Variants in ZRANB3 observed in about 807,000 individuals in gnomAD.
The protein encoded by ZRANB3 is zinc finger RANBP2-type containing 3.
A neutral mutation model predicts 133.8 loss-of-function variants in ZRANB3; 125 were observed. That is an observed-to-expected ratio of 0.93 (90% CI 0.81 to 1.08). The LOEUF (loss-of-function observed/expected upper bound fraction) is 1.08. Among genes scored for constraint, ZRANB3 ranks in the 50% least tolerant of loss-of-function variants. The probability of loss-of-function intolerance (pLI) is 0.00; values close to 1 mark genes in which losing one functional copy is unlikely to be tolerated. For missense variants in ZRANB3, 1,229 were observed against 1,275.5 expected (o/e 0.96, Z 0.56); for synonymous variants, 387 against 432.7 (o/e 0.89, Z 1.31).
intron 4 of ZRANB3, among the ~76,000 whole-genome samples, chr2:135,352,978 T>C (rs1685275991): frequency 6.6e-6 from 1 of 152,054 alleles, no homozygotes; most frequent in Non-Finnish European, 1.5e-5. Context: ...ATTTTCAAGA[T>C]ATAAAATATT....
chr2:135,358,717 A>G (rs1430541496), intron 3 of ZRANB3, among the ~76,000 whole-genome samples: 2 of 152,200 alleles, frequency 1.3e-5, no homozygotes, highest in African/African-American at 4.8e-5. Flanking sequence ...TGCAAAGCTG[A>G]TGTGCTGAAT....
intron 8 of ZRANB3, among the ~76,000 whole-genome samples, chr2:135,306,554 A>G (rs1682712726): frequency 6.7e-6 from 1 of 148,412 alleles, no homozygotes; most frequent in Admixed American, 6.8e-5. Context: ...GGCCTCCCAA[A>G]GTGCTGGGAT....
chr2:135,263,537 G>C (rs1009429036), intron 12 of ZRANB3, among the ~76,000 whole-genome samples: 1 of 152,064 alleles, frequency 6.6e-6, no homozygotes, highest in South Asian at 2.1e-4. Context: ...CACAGTAAAG[G>C]GAGTAAGTGC....
intron 12 of ZRANB3, among the ~76,000 whole-genome samples, chr2:135,236,079 C>A (rs1695269934): frequency 6.6e-6 from 1 of 152,228 alleles, no homozygotes; most frequent in Non-Finnish European, 1.5e-5. Flanking sequence ...CGATAGGCAA[C>A]TTCAGCAAAG....
At chr2:135,527,423 ATGGTGCATGC>A (rs1694208397) in intron 1 of ZRANB3, among the ~76,000 whole-genome samples, 1 of 152,026 alleles carries the variant, frequency 6.6e-6, no homozygotes, top group African/African-American at 2.4e-5. Flanking sequence ...GCCAGGCATG[ATGGTGCATGC>A]CTATAATCCC....
chr2:135,524,981 C>G (rs1694092503), intron 1 of ZRANB3, among the ~76,000 whole-genome samples: 1 of 151,792 alleles, frequency 6.6e-6, no homozygotes, highest in African/African-American at 2.4e-5. Flanking sequence ...GTGGGGAAAG[C>G]ATTTCTAAGC....
intron 2 of ZRANB3, among the ~76,000 whole-genome samples, chr2:135,483,038 T>C (rs540197062): frequency 0.011 from 1,674 of 152,262 alleles, 16 homozygotes; most frequent in Middle Eastern, 0.044. Flanking sequence ...ATTGAGGATT[T>C]TTGCATCAAT....
At chr2:135,290,674 C>A (rs1346707070) in intron 8 of ZRANB3, among the ~76,000 whole-genome samples, 1 of 151,242 alleles carries the variant, frequency 6.6e-6, no homozygotes, top group Non-Finnish European at 1.5e-5. Flanking sequence ...TCCCCCCCTC[C>A]ACCCCCACCC....
intron 2 of ZRANB3, among the ~76,000 whole-genome samples, chr2:135,424,270 G>C (rs1345639854): frequency 6.6e-6 from 1 of 151,892 alleles, no homozygotes; most frequent in East Asian, 1.9e-4. Context: ...AAATAGATTT[G>C]AGGAAAATTT....
chr2:135,481,656 T>A (rs2104793884), intron 2 of ZRANB3, among the ~76,000 whole-genome samples: 1 of 150,518 alleles, frequency 6.6e-6, no homozygotes, highest in Non-Finnish European at 1.5e-5. Context: ...TTTGTTGCCA[T>A]TGCTTTTGGT....
At chr2:135,319,783 T>C (rs1346061427) in intron 6 of ZRANB3, among the ~76,000 whole-genome samples, 2 of 152,236 alleles carry the variant, frequency 1.3e-5, no homozygotes, top group East Asian at 3.9e-4. Flanking sequence ...TACATAAATA[T>C]AACCCACTAA....
intron 12 of ZRANB3, among the ~76,000 whole-genome samples, chr2:135,239,480 T>C (rs1207708397): frequency 4.0e-5 from 6 of 151,404 alleles, no homozygotes; most frequent in Non-Finnish European, 7.4e-5. Context: ...ATTTGTAAAA[T>C]TAAAACATGT....
chr2:135,406,448 G>C (rs1262286292), intron 2 of ZRANB3, among the ~76,000 whole-genome samples: 1 of 152,100 alleles, frequency 6.6e-6, no homozygotes, highest in Non-Finnish European at 1.5e-5. Context: ...AGAAAAAGAG[G>C]GGATCCTCCC....
chr2:135,526,905 A>G (rs1694185758), intron 1 of ZRANB3, among the ~76,000 whole-genome samples: 1 of 152,208 alleles, frequency 6.6e-6, no homozygotes, highest in South Asian at 2.1e-4. Context: ...CCTTTCTGTC[A>G]ATCCCAGGTC....
At chr2:135,221,084 T>G (rs1006574311) in intron 15 of ZRANB3, among the ~76,000 whole-genome samples, 2 of 152,056 alleles carry the variant, frequency 1.3e-5, no homozygotes, top group Admixed American at 1.3e-4. Context: ...CACGAATTCC[T>G]GACCTCAGGT....
intron 6 of ZRANB3, among the ~76,000 whole-genome samples, chr2:135,315,766 A>G (rs1281378001): frequency 6.6e-6 from 1 of 152,262 alleles, no homozygotes; most frequent in Non-Finnish European, 1.5e-5. Context: ...CACTGAGTTA[A>G]TGCAAGGCTG....
chr2:135,328,228 C>G (rs558331681), intron 6 of ZRANB3, among the ~76,000 whole-genome samples: 2 of 151,002 alleles, frequency 1.3e-5, no homozygotes, highest in Non-Finnish European at 2.9e-5. Flanking sequence ...CCCCCACCCC[C>G]CAACAGGCCC....
At chr2:135,272,618 T>C (rs1207095816) in intron 9 of ZRANB3, among the ~76,000 whole-genome samples, 1 of 151,746 alleles carries the variant, frequency 6.6e-6, no homozygotes, top group East Asian at 1.9e-4. Context: ...TTTCACAGTG[T>C]TAGCCAGGAT....
intron 10 of ZRANB3, 47 bp from the exon 11 acceptor site, chr2:135,269,188 T>A (rs1300246164): frequency 6.9e-7 from 1 of 1,449,912 alleles, no homozygotes; most frequent in African/African-American, 1.4e-5. Flanking sequence ...ATACAGCCAA[T>A]ATATAATAAA....
Sources: allele counts gnomAD v4.1 joint callset (sites outside exome capture counted in the v4.1 genomes callset), GRCh38; gene constraint gnomAD v4.1.1; transcripts MANE v1.5; gene names NCBI Gene and HGNC (gene_info 2026-07-23, HGNC 2026-07-21).